SLC35D1: variants seen among roughly 807,000 people sequenced by gnomAD.
SLC35D1 encodes nucleotide sugar transporter SLC35D1.
In SLC35D1, 31 loss-of-function variants were observed where a neutral mutation model predicts 46.7. The ratio of observed to expected loss-of-function variants is 0.66; its 90% CI spans 0.50 to 0.90. The LOEUF is 0.90. Among genes scored for constraint, SLC35D1 ranks in the 40% least tolerant of loss-of-function variants. The pLI is 0.00. For missense variants in SLC35D1, 397 were observed against 426.2 expected (o/e 0.93, Z 0.60); for synonymous variants, 195 against 164.6 (o/e 1.18, Z -1.41).
intron 8 of SLC35D1, among the ~76,000 whole-genome samples, chr1:67,041,459 T>C: frequency 6.6e-6 from 1 of 152,186 alleles, no homozygotes; most frequent in Middle Eastern, 3.2e-3. Context: ...CTTGTAAAAA[T>C]CACGGTCTTT....
chr1:67,049,528 T>C (rs1054558455), intron 6 of SLC35D1, among the ~76,000 whole-genome samples: 2 of 152,246 alleles, frequency 1.3e-5, no homozygotes, highest in East Asian at 3.8e-4. Flanking sequence ...TGGCACATGC[T>C]ATGTGCTCAG....
chr1:67,051,499 A>T (rs1645308065), intron 4 of SLC35D1, among the ~76,000 whole-genome samples: 1 of 152,218 alleles, frequency 6.6e-6, no homozygotes, highest in Admixed American at 6.5e-5. Flanking sequence ...GAAAATAAGT[A>T]TGTTGCCTCT....
In SLC35D1 at chr1:67,024,835, C is replaced by T. The variant is rs548670422; in HGVS notation, c.730-3233G>A. The stretch of plus-strand genomic sequence containing the variant: ...CATGGGTCACAGCATCCTTGAACTC[C>T]GAAACTTAAATAATCCTTCCACCTC... On this transcript the variant is annotated intron_variant, in intron 8 of 11. Transcript: ENST00000235345. 6.6e-5 allele frequency among the ~76,000 whole-genome samples: 10 copies of T among 152,124 alleles called. No individual in the cohort carries two copies. The South Asian group carries it at 1.0e-3, about 16-fold the overall frequency.
At chr1:67,053,711 G>A (rs779505013) in intron 1 of SLC35D1, 100 bp downstream of exon 1, 1 of 1,174,228 alleles carries the variant, frequency 8.5e-7, no homozygotes, top group African/African-American at 1.6e-5. Flanking sequence ...AACTTTGTTC[G>A]GCTTTAACTT....
chr1:67,019,149 G>T (rs1336598521), intron 10 of SLC35D1, among the ~76,000 whole-genome samples: 1 of 152,100 alleles, frequency 6.6e-6, no homozygotes, highest in Non-Finnish European at 1.5e-5. Context: ...CAGGCAAATA[G>T]GTTTACTTAT....
chr1:67,001,756 T>C lies in SLC35D1; in HGVS notation c.*2584A>G, dbSNP rs1365599688. 1 of 152,404 alleles carries C rather than the reference T, an allele frequency of 6.6e-6. No individual in the cohort carries two copies. The highest frequency in any genetic ancestry group is 6.5e-5 in the Admixed American group (1 of 15,282). The allele number at this position is 152,404 out of a possible 1,614,324, so 9.4% of individuals were successfully genotyped here. On this transcript the variant is annotated 3_prime_UTR_variant, in exon 12 of 12. Transcript: ENST00000235345. ...TCAAAACGCAAACTCCAAAAGACTA[T>C]TCAGTCTCCAGCTTGTTCACCCTGC...
chr1:67,029,434 CCT>C (rs1483837559), intron 8 of SLC35D1, among the ~76,000 whole-genome samples: 2 of 152,190 alleles, frequency 1.3e-5, no homozygotes, highest in Non-Finnish European at 2.9e-5. Context: ...AACACAACCT[CCT>C]CTCTGATGAA....
chr1:67,006,561 C>T (rs1009921282), intron 11 of SLC35D1, among the ~76,000 whole-genome samples: 1 of 152,072 alleles, frequency 6.6e-6, no homozygotes, highest in Non-Finnish European at 1.5e-5. Context: ...CACATTAATC[C>T]TATTTAAACT....
At chr1:67,031,988 C>T in intron 8 of SLC35D1, 1 of 873,406 alleles carries the variant, frequency 1.1e-6, no homozygotes, top group Non-Finnish European at 1.4e-6. Flanking sequence ...CTAGAGAAAG[C>T]TCTGATAAAG....
chr1:67,019,770 A>C (rs2815356), intron 10 of SLC35D1, among the ~76,000 whole-genome samples: 47,553 of 152,102 alleles, frequency 0.31, 9,020 homozygotes, highest in South Asian at 0.56. Flanking sequence ...TAGAATCACA[A>C]AGTCAGATGA....
chr1:66,983,769 C>G, the SLC35D1 span, among the ~76,000 whole-genome samples: 1 of 152,110 alleles, frequency 6.6e-6, no homozygotes, highest in Non-Finnish European at 1.5e-5. Flanking sequence ...GCTTTGTCGC[C>G]CAGGCTGGAA....
chr1:66,997,437 A>T (rs534990158), downstream of SLC35D1, among the ~76,000 whole-genome samples: 1 of 148,066 alleles, frequency 6.8e-6, no homozygotes, highest in Non-Finnish European at 1.5e-5. Context: ...CAGGAAATTG[A>T]GGCTGCAGTG....
intron 10 of SLC35D1, among the ~76,000 whole-genome samples, chr1:67,010,176 G>C (rs1281161868): frequency 6.6e-6 from 1 of 152,002 alleles, no homozygotes; most frequent in Non-Finnish European, 1.5e-5. Context: ...AGACACTGAG[G>C]GCTGCTTGAG....
intron 8 of SLC35D1, among the ~76,000 whole-genome samples, chr1:67,040,602 A>G (rs942045467): frequency 1.9e-4 from 29 of 152,228 alleles, no homozygotes; most frequent in Admixed American, 1.7e-3. Context: ...TGTTAGTTCT[A>G]TCTGGAATGT....
downstream of SLC35D1, among the ~76,000 whole-genome samples, chr1:66,998,877 T>C (rs1365031215): frequency 6.6e-6 from 1 of 152,202 alleles, no homozygotes; most frequent in Non-Finnish European, 1.5e-5. Flanking sequence ...TATGGAGTTT[T>C]AATTTTGCAA....
chr1:67,037,812 T>C (rs931587675), intron 8 of SLC35D1, among the ~76,000 whole-genome samples: 5 of 152,156 alleles, frequency 3.3e-5, no homozygotes, highest in African/African-American at 1.2e-4. Context: ...GATTAATAAA[T>C]GATATTCTAT....
chr1:67,004,321 A>C lies in SLC35D1; in HGVS notation c.*19T>G, dbSNP rs1283717506. ...GATTAAAAACTTAGGCCTACGTATCAGATGAAGCAATCCTCTGGTCACACT... is the reference window on the plus strand; with the variant it reads ...GATTAAAAACTTAGGCCTACGTATCCGATGAAGCAATCCTCTGGTCACACT... On this transcript the variant is annotated 3_prime_UTR_variant, in exon 12 of 12. Transcript: ENST00000235345. The C allele has an allele frequency of 3.1e-6, 5 of 1,607,166 alleles. No homozygotes were observed. The Admixed American group carries it at 8.3e-5, about 27-fold the overall frequency.
chr1:67,012,971 G>A (rs1157501843), intron 10 of SLC35D1, among the ~76,000 whole-genome samples: 1 of 151,748 alleles, frequency 6.6e-6, no homozygotes, highest in African/African-American at 2.4e-5. Context: ...GGTTTCACTT[G>A]TGAAGGTATC....
In SLC35D1 at chr1:67,054,007, C is replaced by T. The variant is rs757201812; in HGVS notation, c.7G>A (p.Glu3Lys). The T allele has an allele frequency of 1.2e-6, 2 of 1,609,818 alleles. No individual in the cohort carries two copies. Among genetic ancestry groups the T allele is most frequent in the Admixed American group, 1.7e-5 (1 of 59,696 alleles). The change falls in exon 1 of 12, where the codon GAA becomes AAA. Residue 3 changes from glutamate (E) to lysine (K), a missense_variant. Glu to Lys is a moderately conservative substitution (Grantham distance 56). Transcript: ENST00000235345. ...CGAGCATGCTGACGTCTATGAACTT[C>T]CGCCATGGCTGCCGCAGCAGCGGTG... MA[E>K]VHRRQHARVK...
Sources: allele counts gnomAD v4.1 joint callset (sites outside exome capture counted in the v4.1 genomes callset), GRCh38; gene constraint gnomAD v4.1.1; transcripts MANE v1.5; gene names NCBI Gene and HGNC (gene_info 2026-07-23, HGNC 2026-07-21).